The following C6 variants were observed in gnomAD, a reference collection of about 807,000 sequenced individuals.
C6 encodes complement component C6.
In C6, 101 loss-of-function variants were observed where a neutral mutation model predicts 112.9. The ratio of observed to expected loss-of-function variants is 0.89; its 90% CI spans 0.76 to 1.06. The LOEUF is 1.06. Among genes scored for constraint, C6 ranks in the 50% least tolerant of loss-of-function variants. The pLI, the probability that C6 is intolerant of heterozygous loss-of-function variation, is 0.00. For synonymous variants in C6, 431 were observed against 384.1 expected (o/e 1.12, Z -1.43); for missense variants, 1,202 against 1,104.6 (o/e 1.09, Z -1.25).
upstream of C6, among the ~76,000 whole-genome samples, chr5:41,216,393 C>G (rs947694975): frequency 6.6e-6 from 1 of 152,100 alleles, no homozygotes; most frequent in Non-Finnish European, 1.5e-5. Context: ...CTTCTGCCTT[C>G]CTCTATGATT....
At chr5:41,154,459 T>C (rs1746708861) in intron 14 of C6, among the ~76,000 whole-genome samples, 1 of 152,230 alleles carries the variant, frequency 6.6e-6, no homozygotes, top group Non-Finnish European at 1.5e-5. Context: ...TGTTTTTCAC[T>C]TTACTCTAGC....
chr5:41,156,454 T>C (rs948887664), intron 13 of C6, among the ~76,000 whole-genome samples: 2 of 152,198 alleles, frequency 1.3e-5, no homozygotes, highest in Admixed American at 6.5e-5. Flanking sequence ...CATAAATCTT[T>C]ACACAGGCCT....
At chr5:41,169,888 T>C (rs1406501831) in intron 9 of C6, among the ~76,000 whole-genome samples, 1 of 152,170 alleles carries the variant, frequency 6.6e-6, no homozygotes, top group Non-Finnish European at 1.5e-5. Flanking sequence ...CAGAAAGCTA[T>C]GTTAAGTTCC....
chr5:41,143,137 G>C, intron 17 of C6, 131 bp from the exon 18 acceptor site: 1 of 751,412 alleles, frequency 1.3e-6, no homozygotes, highest in Non-Finnish European at 2.2e-6. Context: ...TTTCTCTAAT[G>C]AATGAGAAAG....
intron 1 of C6, among the ~76,000 whole-genome samples, chr5:41,206,914 C>T (rs886777374): frequency 6.6e-6 from 1 of 152,082 alleles, no homozygotes; most frequent in African/African-American, 2.4e-5. Context: ...AACTCTAAGA[C>T]ACATAATTGT....
At chr5:41,254,045 TTATG>T in intron 1 of C6, among the ~76,000 whole-genome samples, 1 of 152,318 alleles carries the variant, frequency 6.6e-6, no homozygotes, top group Non-Finnish European at 1.5e-5. Flanking sequence ...TAGGAATAAC[TTATG>T]TATAAAAGTA....
chr5:41,166,108 T>A (rs369104889), intron 9 of C6, among the ~76,000 whole-genome samples: 2 of 152,124 alleles, frequency 1.3e-5, no homozygotes, highest in African/African-American at 4.8e-5. Flanking sequence ...AGCTGAGAAT[T>A]TCTCTTAAAC....
chr5:41,245,625 CA>C (rs1244683863), intron 1 of C6, among the ~76,000 whole-genome samples: 2 of 151,802 alleles, frequency 1.3e-5, no homozygotes, highest in Non-Finnish European at 2.9e-5. Context: ...AAGTGGCTTT[CA>C]AAAAAAATCA....
At chr5:41,185,252 A>G (rs1749677549) in intron 6 of C6, among the ~76,000 whole-genome samples, 1 of 152,196 alleles carries the variant, frequency 6.6e-6, no homozygotes, top group South Asian at 2.1e-4. Context: ...TTTTAAATTG[A>G]GTGAATTGAA....
chr5:41,243,429 T>A (rs781554580), intron 1 of C6, among the ~76,000 whole-genome samples: 1 of 152,248 alleles, frequency 6.6e-6, no homozygotes, highest in Non-Finnish European at 1.5e-5. Flanking sequence ...TGTTAAAAAA[T>A]TTTTATTCTA....
rs1000249225 is a variant in C6 at position 41,153,688 on chromosome 5, G to C, written c.2290+122C>G. On this transcript the variant is annotated intron_variant, in intron 15 of 17. Coordinates refer to ENST00000337836, the MANE Select transcript of C6 (RefSeq NM_000065.5). Reference sequence around the variant, plus strand: ...GCATAGTTCCGGTTTGACCCACACTGTCTAAACTTGCATCTTTTTTAGCCT... The same window carrying C: ...GCATAGTTCCGGTTTGACCCACACTCTCTAAACTTGCATCTTTTTTAGCCT... 5 of 756,082 alleles carry C rather than the reference G, an allele frequency of 6.6e-6. No individual in the cohort carries two copies. The African/African-American group carries it at 8.6e-5, about 13-fold the overall frequency. The allele number at this position is 756,082 out of a possible 1,614,324, so 46.8% of individuals were successfully genotyped here. A position where few individuals can be genotyped will look rare whatever the true frequency, so the allele number is the denominator to read the frequency against.
intron 1 of C6, among the ~76,000 whole-genome samples, chr5:41,260,526 T>C (rs889499456): frequency 6.7e-6 from 1 of 149,898 alleles, no homozygotes; most frequent in African/African-American, 2.5e-5. Context: ...TCCCAGCACT[T>C]TGGGAGGCCG....
chr5:41,242,985 A>C (rs1390539282), intron 1 of C6, among the ~76,000 whole-genome samples: 1 of 152,168 alleles, frequency 6.6e-6, no homozygotes, highest in East Asian at 1.9e-4. Context: ...TGGTGGTTGC[A>C]GAGGCTGGGG....
At chr5:41,224,638 A>G (rs574688819) in intron 1 of C6, among the ~76,000 whole-genome samples, 1 of 151,424 alleles carries the variant, frequency 6.6e-6, no homozygotes, top group African/African-American at 2.4e-5. Flanking sequence ...CATTTTGTTT[A>G]TCTATTTATC....
At chr5:41,230,802 T>C (rs2150413083) in intron 1 of C6, among the ~76,000 whole-genome samples, 1 of 152,298 alleles carries the variant, frequency 6.6e-6, no homozygotes, top group African/African-American at 2.4e-5. Context: ...GAGGCCCAGC[T>C]GTAAAATTCC....
At chr5:41,244,190 T>A (rs1286758271) in intron 1 of C6, among the ~76,000 whole-genome samples, 1 of 152,232 alleles carries the variant, frequency 6.6e-6, no homozygotes, top group Non-Finnish European at 1.5e-5. Context: ...GTTGTAAATA[T>A]GAACATTCTA....
chr5:41,186,649 A>G (rs1749792609), intron 5 of C6, among the ~76,000 whole-genome samples: 4 of 152,080 alleles, frequency 2.6e-5, no homozygotes, highest in Non-Finnish European at 4.4e-5. Flanking sequence ...TTGTAATAAT[A>G]TTATAGTTTT....
At chr5:41,206,672 G>C (rs1341672626) in intron 1 of C6, among the ~76,000 whole-genome samples, 3 of 152,122 alleles carry the variant, frequency 2.0e-5, no homozygotes, top group Non-Finnish European at 4.4e-5. Flanking sequence ...GAGAAGTTTA[G>C]AGAAAAAAGA....
intron 15 of C6, 30 bp downstream of exon 15, chr5:41,153,780 C>G (rs1427345868): frequency 3.8e-6 from 6 of 1,564,092 alleles, no homozygotes; most frequent in Non-Finnish European, 5.3e-6. Flanking sequence ...ACCACCTTAT[C>G]AGACCCCAGA....
Sources: gnomAD v4.1 joint callset for allele counts (sites outside exome capture counted in the v4.1 genomes callset) on GRCh38, gnomAD v4.1.1 for gene constraint, MANE v1.5 for transcripts, NCBI Gene and HGNC (gene_info 2026-07-23, HGNC 2026-07-21) for gene names.